The following ANK1 variants were observed in gnomAD, a reference collection of about 807,000 sequenced individuals.
ANK1 encodes the protein ankyrin 1, also known as ankyrin-1.
Under a neutral mutation model 210.4 loss-of-function variants are expected in ANK1, and 51 were observed. The observed-to-expected ratio is 0.24, with a 90% CI of 0.19 to 0.31. The LOEUF is 0.31. ANK1 is among the 10% of genes least tolerant of loss of function. The pLI is 1.00. For synonymous variants in ANK1, 967 were observed against 1,025.9 expected (o/e 0.94, Z 1.10); for missense variants, 2,051 against 2,504.4 (o/e 0.82, Z 3.86).
At chr8:41,765,041 C>G (rs1466381637) in intron 1 of ANK1, among the ~76,000 whole-genome samples, 2 of 152,000 alleles carry the variant, frequency 1.3e-5, no homozygotes, top group Non-Finnish European at 2.9e-5. Context: ...ATACCGCTTC[C>G]TGGGTCAATC....
intron 1 of ANK1, among the ~76,000 whole-genome samples, chr8:41,870,198 G>A (rs1345564717): frequency 2.0e-5 from 3 of 151,972 alleles, no homozygotes; most frequent in Non-Finnish European, 2.9e-5. Context: ...AGCAGAGAAC[G>A]CCAGTCTTTA....
chr8:41,723,550 T>C lies in ANK1; in HGVS notation c.795A>G (p.Ile265Met). Residue 265 changes from isoleucine (I) to methionine (M), a missense_variant, in exon 8 of 43, where the codon ATA (isoleucine) becomes ATG (methionine). Transcript: ENST00000289734. ...TGGCACCCACCTTGGTCTTGGTTTC[T>C]ATCTGGGCTCCCCGATCCAGCAGCA... ...VRLLLDRGAQ[I>M]ETKTKDELTP... is the part of the protein sequence containing the mutation. 2.5e-6 allele frequency: 4 copies of C among 1,614,080 alleles called. No homozygotes were observed. Among genetic ancestry groups the C allele is most frequent in the Non-Finnish European group, 3.4e-6 (4 of 1,180,002 alleles).
intron 1 of ANK1, among the ~76,000 whole-genome samples, chr8:41,843,063 GTCTTGAACTC>G (rs879507634): frequency 6.6e-6 from 1 of 152,114 alleles, no homozygotes; most frequent in African/African-American, 2.4e-5. Flanking sequence ...GGCCAGGCTG[GTCTTGAACTC>G]TTGACCTCAG....
chr8:41,799,661 T>A (rs1410090993), upstream of ANK1, among the ~76,000 whole-genome samples: 4 of 152,242 alleles, frequency 2.6e-5, no homozygotes, highest in African/African-American at 9.6e-5. Flanking sequence ...GCCTCCCCAG[T>A]CCCTCAGGCT....
At position 41,696,665 on chromosome 8, in the gene ANK1, C is replaced by T; in HGVS notation, c.2735+11G>A. On this transcript the variant is annotated intron_variant, in intron 25 of 42. Coordinates refer to ENST00000289734, the MANE Select transcript of ANK1 (RefSeq NM_000037.4). ...AGACAGGAGTCCCCGAGCCCTGCGC[C>T]CGCCACTCACCCTGTATGCACCGGG... is the stretch of plus-strand genomic sequence containing the variant. 6.2e-7 allele frequency: 1 copy of T among 1,604,982 alleles called. No homozygotes were observed. Among genetic ancestry groups the T allele is most frequent in the Non-Finnish European group, 8.5e-7 (1 of 1,179,868 alleles).
intron 26 of ANK1, 137 bp from the exon 27 acceptor site, chr8:41,695,468 G>C: frequency 8.1e-7 from 1 of 1,232,478 alleles, no homozygotes; most frequent in Non-Finnish European, 1.2e-6. Context: ...CTGCAGGCAG[G>C]TCTCTAAGTG....
chr8:41,791,194 G>GT (rs71239082), intron 1 of ANK1, among the ~76,000 whole-genome samples: 912 of 70,176 alleles, frequency 0.013, 139 homozygotes, highest in South Asian at 0.017. Flanking sequence ...TACTAACTTT[G>GT]TTTTTTTTTT....
intron 1 of ANK1, among the ~76,000 whole-genome samples, chr8:41,847,040 G>A (rs1006562940): frequency 2.0e-5 from 3 of 152,224 alleles, no homozygotes; most frequent in African/African-American, 7.2e-5. Context: ...GCAAAACAAT[G>A]TGACTTTCTC....
At chr8:41,677,633 AGGCT>A (rs1397908131) in intron 37 of ANK1, among the ~76,000 whole-genome samples, 1 of 147,350 alleles carries the variant, frequency 6.8e-6, no homozygotes, top group Non-Finnish European at 1.5e-5. Context: ...CCCGTTGCCC[AGGCT>A]GGAGTGCAAT....
intron 1 of ANK1, among the ~76,000 whole-genome samples, chr8:41,772,647 C>A (rs756183969): frequency 6.6e-6 from 1 of 152,240 alleles, no homozygotes; most frequent in Non-Finnish European, 1.5e-5. Context: ...GCACCCTTTT[C>A]AATGCCCATA....
chr8:41,777,666 C>T (rs1844374708), intron 1 of ANK1, among the ~76,000 whole-genome samples: 1 of 152,206 alleles, frequency 6.6e-6, no homozygotes, highest in Non-Finnish European at 1.5e-5. Context: ...AACTTTCTTT[C>T]CAGCTCTGCA....
chr8:41,873,324 T>C (rs2150826519), intron 1 of ANK1, among the ~76,000 whole-genome samples: 1 of 152,334 alleles, frequency 6.6e-6, no homozygotes, highest in South Asian at 2.1e-4. Flanking sequence ...CCGCTTTCTC[T>C]TAGGGATGTC....
chr8:41,707,157 G>A (rs754568552), intron 17 of ANK1, among the ~76,000 whole-genome samples: 3 of 152,328 alleles, frequency 2.0e-5, no homozygotes, highest in East Asian at 1.9e-4. Flanking sequence ...GTGCTGGCAC[G>A]GTCAAGAGGG....
Position 41,688,154 on chromosome 8 carries a change from A to T in ANK1, c.4258+2T>A, listed in dbSNP as rs1818219125. On this transcript the variant is annotated splice_donor_variant, in intron 35 of 42. Transcript: ENST00000289734. LOFTEE classifies it high-confidence loss of function. ...CTTTTCTGCCCCCAATTCCCCACTC[A>T]CCTGCCCAGCTGAGACCGAGGTGCT... 5 of 1,613,952 alleles carry T rather than the reference A, an allele frequency of 3.1e-6. No homozygotes were observed. The highest frequency in any genetic ancestry group is 4.2e-6 in the Non-Finnish European group (5 of 1,179,990).
chr8:41,869,168 C>T (rs1020623188), intron 1 of ANK1, among the ~76,000 whole-genome samples: 6 of 151,634 alleles, frequency 4.0e-5, no homozygotes, highest in Non-Finnish European at 8.8e-5. Flanking sequence ...ACGAATTGTC[C>T]CTAATCCCTA....
chr8:41,878,936 G>T (rs1817096284), intron 1 of ANK1, among the ~76,000 whole-genome samples: 1 of 152,076 alleles, frequency 6.6e-6, no homozygotes, highest in African/African-American at 2.4e-5. Context: ...GGTGGTAGAC[G>T]CCTGTAATCC....
At chr8:41,883,513 T>G (rs116199039) in intron 1 of ANK1, among the ~76,000 whole-genome samples, 1 of 152,080 alleles carries the variant, frequency 6.6e-6, no homozygotes, top group Admixed American at 6.6e-5. Context: ...CAGGCTAAAG[T>G]TCATGGCACA....
At chr8:41,818,630 T>C (rs1803699284) in intron 1 of ANK1, among the ~76,000 whole-genome samples, 1 of 152,132 alleles carries the variant, frequency 6.6e-6, no homozygotes, top group Non-Finnish European at 1.5e-5. Context: ...TCTCTCTCTT[T>C]TTCTTTCTTC....
chr8:41,732,792 A>G (rs1409583046), intron 3 of ANK1, among the ~76,000 whole-genome samples: 2 of 151,638 alleles, frequency 1.3e-5, no homozygotes, highest in Admixed American at 6.6e-5. Flanking sequence ...GCAGTGGTGC[A>G]GTCATGGCTC....
Sources: allele counts gnomAD v4.1 joint callset (sites outside exome capture counted in the v4.1 genomes callset), GRCh38; gene constraint gnomAD v4.1.1; transcripts MANE v1.5; gene names NCBI Gene and HGNC (gene_info 2026-07-23, HGNC 2026-07-21).